The following ZNF385B variants were observed in gnomAD, a reference collection of about 807,000 sequenced individuals.
ZNF385B encodes zinc finger protein 533.
Under a neutral mutation model 39.2 loss-of-function variants are expected in ZNF385B, and 23 were observed. The observed-to-expected ratio is 0.59, with a 90% confidence interval of 0.42 to 0.83. ZNF385B has a LOEUF of 0.83. ZNF385B is among the 40% of genes least tolerant of loss of function. ZNF385B has a pLI of 0.00. For synonymous variants in ZNF385B, 205 were observed against 222.6 expected (o/e 0.92, Z 0.70); for missense variants, 552 against 598.9 (o/e 0.92, Z 0.82).
rs575025306 is a variant in ZNF385B, at chr2:179,695,260, C to A, written c.298+74243G>T. 2.0e-5 allele frequency among the ~76,000 whole-genome samples: 3 copies of A among 152,114 alleles called. No individual in the cohort carries two copies. In the South Asian group the frequency reaches 6.2e-4, roughly 32 times the overall value. On this transcript the variant is annotated intron_variant, in intron 3 of 9. Transcript: ENST00000410066. Reference sequence around the variant, plus strand: ...TAGGGTGACCATATAATTTACCACACAACCAGTTTGAATTTGGTAAAGGAT... The same window carrying A: ...TAGGGTGACCATATAATTTACCACAAAACCAGTTTGAATTTGGTAAAGGAT...
At chr2:179,583,512 G>A (rs925845484) in intron 3 of ZNF385B, among the ~76,000 whole-genome samples, 5 of 152,124 alleles carry the variant, frequency 3.3e-5, no homozygotes, top group African/African-American at 1.2e-4. Context: ...TGAGAATACT[G>A]AAGATTAGTG....
intron 1 of ZNF385B, among the ~76,000 whole-genome samples, chr2:179,846,050 T>C (rs1319639447): frequency 6.6e-6 from 1 of 152,222 alleles, no homozygotes; most frequent in Non-Finnish European, 1.5e-5. Context: ...ATACTTTTGG[T>C]TGGCTATGGA....
At chr2:179,782,836 A>T (rs1012036657) in intron 1 of ZNF385B, among the ~76,000 whole-genome samples, 1 of 152,118 alleles carries the variant, frequency 6.6e-6, no homozygotes, top group African/African-American at 2.4e-5. Context: ...TGAGAGAAGA[A>T]ACAAATTAAT....
At chr2:179,727,315 A>G (rs1559135571) in intron 3 of ZNF385B, among the ~76,000 whole-genome samples, 1 of 152,056 alleles carries the variant, frequency 6.6e-6, no homozygotes, top group Non-Finnish European at 1.5e-5. Flanking sequence ...ATCTCCAAAC[A>G]ATATAAAATA....
intron 3 of ZNF385B, among the ~76,000 whole-genome samples, chr2:179,741,910 A>C (rs1673396746): frequency 1.3e-5 from 2 of 152,082 alleles, no homozygotes; most frequent in South Asian, 4.1e-4. Flanking sequence ...TATTTAAATA[A>C]AGGCCAGATG....
chr2:179,747,126 C>G (rs1180403341), intron 3 of ZNF385B, among the ~76,000 whole-genome samples: 2 of 152,046 alleles, frequency 1.3e-5, no homozygotes, highest in African/African-American at 2.4e-5. Context: ...GTAATCCTAC[C>G]AGCTCTGAGA....
At chr2:179,850,348 A>G (rs1048342227) in intron 1 of ZNF385B, among the ~76,000 whole-genome samples, 4 of 152,184 alleles carry the variant, frequency 2.6e-5, no homozygotes, top group Admixed American at 1.3e-4. Context: ...CCTCTCATCC[A>G]TCACATATTT....
chr2:179,760,283 C>A (rs1311875909), intron 3 of ZNF385B, among the ~76,000 whole-genome samples: 2 of 150,846 alleles, frequency 1.3e-5, no homozygotes, highest in Non-Finnish European at 3.0e-5. Flanking sequence ...TCATGTATCC[C>A]CCACCAGGGA....
At chr2:179,508,619 A>T (rs956680547) in intron 5 of ZNF385B, among the ~76,000 whole-genome samples, 13 of 152,228 alleles carry the variant, frequency 8.5e-5, no homozygotes, top group African/African-American at 2.9e-4. Context: ...TGATCAGCAA[A>T]CTAATATTTA....
intron 3 of ZNF385B, among the ~76,000 whole-genome samples, chr2:179,768,801 A>T (rs1310897426): frequency 6.6e-6 from 1 of 152,222 alleles, no homozygotes; most frequent in Non-Finnish European, 1.5e-5. Context: ...CTGCCCAAGG[A>T]TAAGATAAAG....
chr2:179,858,648 G>A (rs1684786732), intron 1 of ZNF385B, among the ~76,000 whole-genome samples: 1 of 151,956 alleles, frequency 6.6e-6, no homozygotes, highest in Non-Finnish European at 1.5e-5. Flanking sequence ...TTGGGGTGGT[G>A]GCAAAATAGA....
At chr2:179,855,699 T>C (rs967985359) in intron 1 of ZNF385B, among the ~76,000 whole-genome samples, 4 of 152,282 alleles carry the variant, frequency 2.6e-5, no homozygotes, top group African/African-American at 4.8e-5. Context: ...GCAAGAAAAG[T>C]GTTCACTTGG....
In ZNF385B at chr2:179,477,471, T is replaced by C. The variant is rs1184420895; in HGVS notation, c.715+5801A>G. 2.0e-5 allele frequency among the ~76,000 whole-genome samples: 3 copies of C among 152,320 alleles called. No homozygotes were observed. The East Asian group carries it at 5.8e-4, about 29-fold the overall frequency. On this transcript the variant is annotated intron_variant, in intron 6 of 9. Coordinates refer to ENST00000410066, the MANE Select transcript of ZNF385B (RefSeq NM_152520.6). Reference sequence around the variant, plus strand: ...CTTCTTCTCATGTCTTTTCTAACACTGTTACCTCACGGTCTCCATAGGGCA... The same window carrying C: ...CTTCTTCTCATGTCTTTTCTAACACCGTTACCTCACGGTCTCCATAGGGCA...
intron 6 of ZNF385B, among the ~76,000 whole-genome samples, chr2:179,470,123 T>G (rs2052573954): frequency 6.6e-6 from 1 of 152,154 alleles, no homozygotes; most frequent in Non-Finnish European, 1.5e-5. Flanking sequence ...TTCTCTCACT[T>G]TCTCTCCTTT....
At position 179,703,462 on chromosome 2, in the gene ZNF385B, T is replaced by C. The variant is rs138007113; in HGVS notation, c.298+66041A>G. Among the ~76,000 whole-genome samples, 813 of 152,310 alleles carry C rather than the reference T, an allele frequency of 5.3e-3. 2 individuals carry two copies. Among genetic ancestry groups the C allele is most frequent in the African/African-American group, 0.018 (730 of 41,570 alleles). On this transcript the variant is annotated intron_variant, in intron 3 of 9. Transcript: ENST00000410066. ...ACTCTTTAACATAGTATATATGTCA[T>C]TTATTTACCTTGTATATTGTCTGTC...
intron 1 of ZNF385B, among the ~76,000 whole-genome samples, chr2:179,818,806 G>A (rs185793026): frequency 1.9e-4 from 29 of 152,122 alleles, no homozygotes; most frequent in Admixed American, 4.6e-4. Context: ...CTCATCCTCA[G>A]TGCTGGCCCT....
At chr2:179,517,606 T>C (rs2058182705) in intron 5 of ZNF385B, among the ~76,000 whole-genome samples, 1 of 152,136 alleles carries the variant, frequency 6.6e-6, no homozygotes, top group Non-Finnish European at 1.5e-5. Flanking sequence ...ATTATTTTAG[T>C]ATTTCTAAAC....
At chr2:179,857,386 G>A (rs113517715) in intron 1 of ZNF385B, among the ~76,000 whole-genome samples, 5,355 of 152,242 alleles carry the variant, frequency 0.035, 154 homozygotes, top group Middle Eastern at 0.061. Context: ...TAGTCCACAC[G>A]GAAGAGATCA....
chr2:179,578,516 T>C (rs536950384), intron 3 of ZNF385B, among the ~76,000 whole-genome samples: 72 of 152,206 alleles, frequency 4.7e-4, no homozygotes, highest in Admixed American at 5.9e-4. Flanking sequence ...CTATGAGGCA[T>C]AGAATGAAAA....
Sources: allele counts gnomAD v4.1 joint callset (sites outside exome capture counted in the v4.1 genomes callset), GRCh38; gene constraint gnomAD v4.1.1; transcripts MANE v1.5; gene names NCBI Gene and HGNC (gene_info 2026-07-23, HGNC 2026-07-21).